AKAP6: variants seen among roughly 807,000 people sequenced by gnomAD.
AKAP6 encodes the protein A-kinase anchoring protein 6, also known as A-kinase anchor protein 6.
A neutral mutation model predicts 188.5 loss-of-function variants in AKAP6; 58 were observed. That is an observed-to-expected ratio of 0.31 (90% CI 0.25 to 0.38). The LOEUF is 0.38. Among genes scored for constraint, AKAP6 ranks in the 10% least tolerant of loss-of-function variants. The probability of loss-of-function intolerance (pLI) is 1.00; values close to 1 mark genes in which losing one functional copy is unlikely to be tolerated. For missense variants in AKAP6, 2,710 were observed against 2,740.0 expected (o/e 0.99, Z 0.24); for synonymous variants, 989 against 998.6 (o/e 0.99, Z 0.18).
At chr14:32,688,142 G>A (rs1890013636) in intron 8 of AKAP6, among the ~76,000 whole-genome samples, 1 of 150,676 alleles carries the variant, frequency 6.6e-6, no homozygotes, top group African/African-American at 2.4e-5. Context: ...AATATAGTGT[G>A]TATATATATA....
chr14:32,583,701 C>T lies in AKAP6; in HGVS notation c.2469+6459C>T, dbSNP rs951935435. On this transcript the variant is annotated intron_variant, in intron 5 of 13. Transcript: ENST00000280979. ...ATGGCGGGTGCCCCTCCCCCAGCCT[C>T]GCTGCTGCCTTGCAGTTTGATCTCA... is the stretch of plus-strand genomic sequence containing the variant. Among the ~76,000 whole-genome samples, 66 of 152,280 alleles carry T rather than the reference C, an allele frequency of 4.3e-4. 1 individual carries two copies. The highest frequency in any genetic ancestry group is 6.9e-4 in the Non-Finnish European group (47 of 68,008).
At chr14:32,388,130 C>T (rs1389495399) in intron 1 of AKAP6, among the ~76,000 whole-genome samples, 1 of 151,992 alleles carries the variant, frequency 6.6e-6, no homozygotes, top group Non-Finnish European at 1.5e-5. Context: ...AGTTTATGTG[C>T]ATAAAGGTGT....
At chr14:32,698,857 C>T (rs10483419) in intron 9 of AKAP6, among the ~76,000 whole-genome samples, 57,399 of 151,902 alleles carry the variant, frequency 0.38, 11,596 homozygotes, top group South Asian at 0.5. Flanking sequence ...GGTGAAACTT[C>T]TAAGGGAGAT....
intron 12 of AKAP6, among the ~76,000 whole-genome samples, chr14:32,775,251 T>A (rs1048745607): frequency 5.9e-5 from 9 of 152,288 alleles, no homozygotes; most frequent in Admixed American, 5.9e-4. Flanking sequence ...AAGCCTGTAA[T>A]CGTGGTAGTG....
At chr14:32,605,911 T>G (rs1886109183) in intron 7 of AKAP6, among the ~76,000 whole-genome samples, 1 of 152,174 alleles carries the variant, frequency 6.6e-6, no homozygotes, top group Non-Finnish European at 1.5e-5. Context: ...GGAATATATC[T>G]AGGGGGTATT....
At chr14:32,773,567 G>T in intron 11 of AKAP6, 111 bp from the exon 12 acceptor site, 1 of 1,012,278 alleles carries the variant, frequency 9.9e-7, no homozygotes, top group Non-Finnish European at 1.5e-6. Flanking sequence ...TCCTATTGTT[G>T]GTAGCTGAGT....
chr14:32,382,575 A>T (rs1888399070), intron 1 of AKAP6, among the ~76,000 whole-genome samples: 1 of 152,154 alleles, frequency 6.6e-6, no homozygotes, highest in Non-Finnish European at 1.5e-5. Flanking sequence ...AATTTAGAAA[A>T]TTTGTTGAGT....
rs139169513 is a variant in AKAP6, at chr14:32,535,221, T to G, written c.325-333T>G. On this transcript the variant is annotated intron_variant, in intron 2 of 13. Transcript: ENST00000280979. Reference sequence around the variant, plus strand: ...GCAAATAAAACAGCCACTGGTTCCCTTCCAGAATACCCAACAAACAATAAA... The same window carrying G: ...GCAAATAAAACAGCCACTGGTTCCCGTCCAGAATACCCAACAAACAATAAA... Among the ~76,000 whole-genome samples, 909 of 152,266 alleles carry G rather than the reference T, an allele frequency of 6.0e-3. 10 individuals are homozygous for G. Among genetic ancestry groups the G allele is most frequent in the African/African-American group, 0.021 (855 of 41,540 alleles).
At chr14:32,348,787 T>A (rs1273659688) in intron 1 of AKAP6, among the ~76,000 whole-genome samples, 1 of 152,172 alleles carries the variant, frequency 6.6e-6, no homozygotes, top group Non-Finnish European at 1.5e-5. Context: ...AGGGTGCTTT[T>A]TCCACATTGC....
chr14:32,466,846 T>TATATATATATATATATATA (rs879653303), intron 2 of AKAP6, among the ~76,000 whole-genome samples: 28 of 142,620 alleles, frequency 2.0e-4, no homozygotes, highest in African/African-American at 5.8e-4. Context: ...TATATATATA[T>TATATATATATATATATATA]TTTCTTTCTT....
At chr14:32,532,961 GA>G (rs1882489126) in intron 2 of AKAP6, among the ~76,000 whole-genome samples, 1 of 152,176 alleles carries the variant, frequency 6.6e-6, no homozygotes, top group Non-Finnish European at 1.5e-5. Context: ...AGACAGGAGT[GA>G]AAAAGTTGAA....
At chr14:32,501,890 G>A (rs1204756710) in intron 2 of AKAP6, among the ~76,000 whole-genome samples, 1 of 152,068 alleles carries the variant, frequency 6.6e-6, no homozygotes, top group East Asian at 1.9e-4. Context: ...GCTGTACTCT[G>A]ACTTAATGAC....
intron 1 of AKAP6, among the ~76,000 whole-genome samples, chr14:32,339,305 T>C (rs1161945280): frequency 6.6e-6 from 1 of 152,166 alleles, no homozygotes; most frequent in Non-Finnish European, 1.5e-5. Context: ...TCTTTTGCAG[T>C]GGTCCTTTTC....
At chr14:32,618,326 C>A (rs1459442836) in intron 7 of AKAP6, among the ~76,000 whole-genome samples, 1 of 152,060 alleles carries the variant, frequency 6.6e-6, no homozygotes, top group Non-Finnish European at 1.5e-5. Context: ...ATATGTAGTT[C>A]TTTTATCCTT....
chr14:32,457,730 C>A (rs776695547), intron 2 of AKAP6, among the ~76,000 whole-genome samples: 1 of 152,112 alleles, frequency 6.6e-6, no homozygotes, highest in African/African-American at 2.4e-5. Flanking sequence ...TTTTCATCTA[C>A]GTCATAAACA....
intron 11 of AKAP6, among the ~76,000 whole-genome samples, chr14:32,739,436 C>A (rs1484511869): frequency 6.6e-6 from 1 of 151,896 alleles, no homozygotes; most frequent in African/African-American, 2.4e-5. Context: ...TGACTATAGT[C>A]CCCCTGTTGT....
At chr14:32,471,884 A>G (rs1014420183) in intron 2 of AKAP6, among the ~76,000 whole-genome samples, 2 of 152,230 alleles carry the variant, frequency 1.3e-5, no homozygotes, top group Non-Finnish European at 2.9e-5. Context: ...ATTCTGGGTC[A>G]GGATTTTTGT....
At chr14:32,454,109 G>A (rs1198877748) in intron 2 of AKAP6, among the ~76,000 whole-genome samples, 2 of 152,108 alleles carry the variant, frequency 1.3e-5, no homozygotes, top group African/African-American at 4.8e-5. Context: ...ATTTCAGTCA[G>A]CCTGCAAAAC....
chr14:32,727,055 G>A (rs1252480489), intron 9 of AKAP6, among the ~76,000 whole-genome samples: 1 of 152,050 alleles, frequency 6.6e-6, no homozygotes, highest in Non-Finnish European at 1.5e-5. Context: ...CAAATTTATG[G>A]AAATATCTAA....
Sources: gnomAD v4.1 joint callset for allele counts (sites outside exome capture counted in the v4.1 genomes callset) on GRCh38, gnomAD v4.1.1 for gene constraint, MANE v1.5 for transcripts, NCBI Gene and HGNC (gene_info 2026-07-23, HGNC 2026-07-21) for gene names.